Variants in KHDRBS3 observed in about 807,000 individuals in gnomAD.
KHDRBS3 encodes KH domain-containing, RNA-binding, signal transduction-associated protein 3.
KHDRBS3 carries 23 observed loss-of-function variants against 45.6 expected under a neutral mutation model. That is an observed-to-expected ratio of 0.50 (90% CI 0.36 to 0.72). KHDRBS3 has a LOEUF of 0.72. KHDRBS3 is among the 30% of genes least tolerant of loss of function. The pLI is 0.00. For synonymous variants in KHDRBS3, 162 were observed against 156.5 expected (o/e 1.04, Z -0.26); for missense variants, 352 against 424.8 (o/e 0.83, Z 1.51).
chr8:135,490,045 G>A (rs975587351), intron 1 of KHDRBS3, among the ~76,000 whole-genome samples: 46 of 152,136 alleles, frequency 3.0e-4, no homozygotes, highest in African/African-American at 1.1e-3. Context: ...TAGAGCATTC[G>A]GTACAGTAAC....
chr8:135,556,509 C>T (rs954751428), intron 4 of KHDRBS3, among the ~76,000 whole-genome samples: 1 of 152,086 alleles, frequency 6.6e-6, no homozygotes, highest in African/African-American at 2.4e-5. Context: ...TTTCATATAA[C>T]TGTTGGCTGC....
intron 8 of KHDRBS3, 103 bp from the exon 9 acceptor site, chr8:135,646,890 A>G (rs1586859275): frequency 1.5e-6 from 1 of 656,906 alleles, no homozygotes; most frequent in Non-Finnish European, 2.8e-6. Context: ...TATATTTTCA[A>G]TATGACATGT....
chr8:135,557,331 G>T, intron 4 of KHDRBS3, 117 bp from the exon 5 acceptor site: 1 of 482,264 alleles, frequency 2.1e-6, no homozygotes, highest in East Asian at 3.5e-5. Context: ...ATTTTGTTTT[G>T]TAAATTCAAC....
chr8:135,611,141 A>G lies in KHDRBS3; in HGVS notation c.890+4104A>G, dbSNP rs115802247. On this transcript the variant is annotated intron_variant, in intron 7 of 8. Coordinates refer to ENST00000355849, the MANE Select transcript of KHDRBS3 (RefSeq NM_006558.3). Reference sequence around the variant, plus strand: ...TCTTTGAAGTGATCTTTTCTGTGCTACAACTTGTCTTACCTGAAGGAGTAC... The same window carrying G: ...TCTTTGAAGTGATCTTTTCTGTGCTGCAACTTGTCTTACCTGAAGGAGTAC... Among the ~76,000 whole-genome samples, 256 of 152,010 alleles carry G rather than the reference A, an allele frequency of 1.7e-3. 8 individuals are homozygous for G. Among genetic ancestry groups the G allele is most frequent in the African/African-American group, 5.9e-3 (243 of 41,308 alleles).
chr8:135,565,512 A>G (rs989992522), intron 5 of KHDRBS3, among the ~76,000 whole-genome samples: 2 of 152,196 alleles, frequency 1.3e-5, no homozygotes, highest in African/African-American at 4.8e-5. Flanking sequence ...AGATAGCTTG[A>G]TTGAACTCTA....
chr8:135,577,891 C>T (rs1249568335), intron 5 of KHDRBS3, among the ~76,000 whole-genome samples: 1 of 152,144 alleles, frequency 6.6e-6, no homozygotes, highest in Non-Finnish European at 1.5e-5. Context: ...CATATCCTCA[C>T]CAACAATTGG....
At chr8:135,604,595 C>G (rs1331512482) in intron 6 of KHDRBS3, among the ~76,000 whole-genome samples, 1 of 148,562 alleles carries the variant, frequency 6.7e-6, no homozygotes, top group Admixed American at 6.7e-5. Flanking sequence ...ATATTGCTTT[C>G]TCAGAATTAA....
chr8:135,636,928 G>A (rs1483912371), intron 7 of KHDRBS3, among the ~76,000 whole-genome samples: 1 of 152,210 alleles, frequency 6.6e-6, no homozygotes, highest in Non-Finnish European at 1.5e-5. Flanking sequence ...TGAAGTTAGT[G>A]CCATCTCTTT....
intron 1 of KHDRBS3, among the ~76,000 whole-genome samples, chr8:135,479,517 G>A (rs768224734): frequency 6.6e-6 from 1 of 152,206 alleles, no homozygotes; most frequent in Non-Finnish European, 1.5e-5. Flanking sequence ...CAGAGTTCTG[G>A]AGGGTGGAAA....
At chr8:135,488,895 G>A (rs748494520) in intron 1 of KHDRBS3, among the ~76,000 whole-genome samples, 3 of 152,178 alleles carry the variant, frequency 2.0e-5, no homozygotes, top group African/African-American at 4.8e-5. Context: ...CTGAATGGCT[G>A]TTAAATGTTT....
chr8:135,622,630 C>T (rs1005193944), intron 7 of KHDRBS3, among the ~76,000 whole-genome samples: 2 of 152,072 alleles, frequency 1.3e-5, no homozygotes, highest in East Asian at 3.9e-4. Context: ...CAGAAATCTC[C>T]TCAAAAAGAT....
intron 1 of KHDRBS3, among the ~76,000 whole-genome samples, chr8:135,496,241 A>G (rs957081395): frequency 6.7e-6 from 1 of 149,626 alleles, no homozygotes; most frequent in Non-Finnish European, 1.5e-5. Flanking sequence ...CTTCAGAAGC[A>G]TTTTTTTTTG....
intron 1 of KHDRBS3, among the ~76,000 whole-genome samples, chr8:135,492,519 A>ATG (rs1823210489): frequency 7.0e-6 from 1 of 143,616 alleles, no homozygotes; most frequent in Non-Finnish European, 1.5e-5. Context: ...ATATATACAT[A>ATG]TATATATATA....
chr8:135,484,905 G>C (rs1171647223), intron 1 of KHDRBS3, among the ~76,000 whole-genome samples: 4 of 152,130 alleles, frequency 2.6e-5, no homozygotes, highest in Non-Finnish European at 4.4e-5. Context: ...TTAAATGCTA[G>C]CTATTATTAT....
At chr8:135,650,541 T>G (rs1159556098), downstream of KHDRBS3, among the ~76,000 whole-genome samples, 1 of 152,248 alleles carries the variant, frequency 6.6e-6, no homozygotes, top group Non-Finnish European at 1.5e-5. Flanking sequence ...GGAAGAAATT[T>G]AAGCTTCAGG....
At chr8:135,522,097 C>T (rs995856555) in intron 2 of KHDRBS3, among the ~76,000 whole-genome samples, 1 of 152,042 alleles carries the variant, frequency 6.6e-6, no homozygotes, top group Non-Finnish European at 1.5e-5. Context: ...TGATGCTCTC[C>T]CTCCCCCTGC....
intron 5 of KHDRBS3, among the ~76,000 whole-genome samples, chr8:135,578,229 A>G (rs1290203552): frequency 3.3e-5 from 5 of 152,126 alleles, no homozygotes; most frequent in East Asian, 3.9e-4. Context: ...GCCGAAGTCT[A>G]TAATTTTAAC....
At chr8:135,538,119 G>A (rs913139129) in intron 2 of KHDRBS3, among the ~76,000 whole-genome samples, 4 of 152,158 alleles carry the variant, frequency 2.6e-5, no homozygotes, top group African/African-American at 9.7e-5. Context: ...ACGGTGTGGG[G>A]CAGTGCGATG....
chr8:135,643,595 A>G lies in KHDRBS3; in HGVS notation c.891-1464A>G, dbSNP rs140891649. 4.8e-3 allele frequency among the ~76,000 whole-genome samples: 724 copies of G among 152,374 alleles called. 2 individuals carry two copies. The highest frequency in any genetic ancestry group is 0.017 in the African/African-American group (696 of 41,580). On this transcript the variant is annotated intron_variant, in intron 7 of 8. Coordinates refer to ENST00000355849, the MANE Select transcript of KHDRBS3 (RefSeq NM_006558.3). ...TTGAGATAAAAAGGAACATAGCTCC[A>G]TTGCTTACACTTTTCTCATAGGAAT...
Sources: allele counts gnomAD v4.1 joint callset (sites outside exome capture counted in the v4.1 genomes callset), GRCh38; gene constraint gnomAD v4.1.1; transcripts MANE v1.5; gene names NCBI Gene and HGNC (gene_info 2026-07-23, HGNC 2026-07-21).